The following RNF40 variants were observed in gnomAD, a reference collection of about 807,000 sequenced individuals.
The protein encoded by RNF40 is E3 ubiquitin-protein ligase BRE1B.
A neutral mutation model predicts 123.3 loss-of-function variants in RNF40; 39 were observed. The ratio of observed to expected loss-of-function variants is 0.32; its 90% CI spans 0.24 to 0.41. The LOEUF is 0.41. RNF40 is among the 10% of genes least tolerant of loss of function. The probability of loss-of-function intolerance (pLI) is 1.00; values close to 1 mark genes in which losing one functional copy is unlikely to be tolerated. For missense variants in RNF40, 1,003 were observed against 1,319.9 expected, an observed-to-expected ratio of 0.76 and a Z score of 3.72; for synonymous variants, 538 against 526.0, an observed-to-expected ratio of 1.02 and a Z score of -0.31.
Position 30,763,458 on chromosome 16 carries a change from G to A in RNF40, c.341G>A (p.Ser114Asn), listed in dbSNP as rs867047194. Residue 114 changes from serine (S) to asparagine (N), a missense_variant, in exon 4 of 20, where the codon AGC (serine) becomes AAC (asparagine). Coordinates refer to ENST00000324685, the MANE Select transcript of RNF40 (RefSeq NM_014771.4). ...TVEALLRCHE[S>N]QGELSSAPEA... ...GAAGCCCTTCTCCGATGCCATGAGA[G>A]CCAGGGGGAGCTGTCTTCAGCGCCT... 8.1e-6 allele frequency: 13 copies of A among 1,611,590 alleles called. No individual in the cohort carries two copies. In the African/African-American group the frequency reaches 1.3e-4, roughly 17 times the overall value.
At chr16:30,761,642 T>C (rs1199727768), upstream of RNF40, 17 of 1,535,984 alleles carry the variant, frequency 1.1e-5, no homozygotes, top group Non-Finnish European at 1.3e-5. Flanking sequence ...GGCCGACCCA[T>C]GCACTGAGCT....
intron 5 of RNF40, 144 bp downstream of exon 5, chr16:30,764,529 G>C: frequency 1.4e-6 from 1 of 735,072 alleles, no homozygotes; most frequent in East Asian, 2.7e-5. Context: ...GGAAGAGGTA[G>C]GTTAGGCTGT....
chr16:30,763,648 C>A, intron 4 of RNF40, 89 bp downstream of exon 4: 2 of 1,360,218 alleles, frequency 1.5e-6, no homozygotes, highest in African/African-American at 1.4e-5. Context: ...CCCTGAATTG[C>A]CTATCTTACT....
chr16:30,771,248 G>A (rs1473283226), intron 17 of RNF40, among the ~76,000 whole-genome samples: 1 of 152,140 alleles, frequency 6.6e-6, no homozygotes, highest in South Asian at 2.1e-4. Context: ...TGACACTTGA[G>A]CTGAGGCCCA....
At position 30,775,986 on chromosome 16, in the gene RNF40, C is replaced by T. The variant is rs2054228781; in HGVS notation, c.*1872C>T. ...CGCGGCAGGGGAGGACATCGGGCCG[C>T]AGAGAAAGTGCCGATGGCCTGGGGC... On this transcript the variant is annotated 3_prime_UTR_variant, in exon 20 of 20. Coordinates refer to ENST00000324685, the MANE Select transcript of RNF40 (RefSeq NM_014771.4). 6.6e-6 allele frequency: 1 copy of T among 152,250 alleles called. No individual in the cohort carries two copies. The highest frequency in any genetic ancestry group is 1.5e-5 in the Non-Finnish European group (1 of 68,088). The allele number at this position is 152,250 out of a possible 1,614,324, so 9.4% of individuals were successfully genotyped here.
Position 30,769,524 on chromosome 16 carries a change from C to G in RNF40, c.2510C>G (p.Ala837Gly), listed in dbSNP as rs940896929. 13 of 1,612,980 alleles carry G rather than the reference C, an allele frequency of 8.1e-6. No homozygotes were observed. Among genetic ancestry groups the G allele is most frequent in the African/African-American group, 1.3e-5 (1 of 74,888 alleles). Residue 837 changes from alanine (A) to glycine (G), a missense_variant, in exon 17 of 20, where the codon GCC (alanine) becomes GGC (glycine). Coordinates refer to ENST00000324685, the MANE Select transcript of RNF40 (RefSeq NM_014771.4). ...TVQKLEEKER[A>G]LQGSLGGVEK... is the part of the protein sequence containing the mutation. ...CAGAAGCTAGAGGAGAAGGAGCGAG[C>G]CTTGCAGGGCAGCCTCGGGGGTGTG...
At chr16:30,769,647 T>A in intron 17 of RNF40, 47 bp downstream of exon 17, 5 of 1,479,770 alleles carry the variant, frequency 3.4e-6, no homozygotes, top group Non-Finnish European at 4.5e-6. Context: ...CTGGCTCACC[T>A]CCTCACCTTC....
intron 16 of RNF40, 29 bp downstream of exon 16, chr16:30,769,427 A>G: frequency 6.2e-7 from 1 of 1,614,122 alleles, no homozygotes; most frequent in Non-Finnish European, 8.5e-7. Context: ...TGCAGACTGG[A>G]GCTGGAGAGG....
chr16:30,766,085 A>G lies in RNF40; in HGVS notation c.994-78A>G, dbSNP rs1188441138. 2 of 1,597,154 alleles carry G rather than the reference A, an allele frequency of 1.3e-6. No homozygotes were observed. Among genetic ancestry groups the G allele is most frequent in the African/African-American group, 2.7e-5 (2 of 74,588 alleles). On this transcript the variant is annotated intron_variant, in intron 8 of 19. Coordinates refer to ENST00000324685, the MANE Select transcript of RNF40 (RefSeq NM_014771.4). The surrounding 1 kb of genome is among the most constrained non-coding windows in gnomAD (Gnocchi z 5.4). ...GCCCTGCACGGGGTGCTTGGGGTGG[A>G]GTGTATGCTGGGGATGTAAGGGAGG...
intron 17 of RNF40, among the ~76,000 whole-genome samples, chr16:30,770,014 A>C (rs1048772036): frequency 1.4e-4 from 21 of 151,910 alleles, no homozygotes; most frequent in African/African-American, 4.8e-4. Context: ...AGGTGAGAGG[A>C]TCACTTGAAC....
rs183630601 is a variant in RNF40 at position 30,773,789 on chromosome 16, C to T, written c.2830-149C>T. 18 of 752,674 alleles carry T rather than the reference C, an allele frequency of 2.4e-5. No individual in the cohort carries two copies. In the East Asian group the frequency reaches 4.6e-4, roughly 19 times the overall value. The allele number at this position is 752,674 out of a possible 1,614,324, so 46.6% of individuals were successfully genotyped here. ...GCCTCTGCACCTCAGTTTGCTCATT[C>T]ATAGAGTGCTCGTCCTTACCTCCAG... On this transcript the variant is annotated intron_variant, in intron 19 of 19. Coordinates refer to ENST00000324685, the MANE Select transcript of RNF40 (RefSeq NM_014771.4).
intron 8 of RNF40, among the ~76,000 whole-genome samples, chr16:30,765,900 C>A (rs935713824): frequency 6.6e-6 from 1 of 152,150 alleles, no homozygotes; most frequent in Non-Finnish European, 1.5e-5. Context: ...TGCCCTTTTT[C>A]CCTTTATTAG....
Position 30,762,581 on chromosome 16 carries a change from CG to C in RNF40, c.41del (p.Gly14AlafsTer9). On this transcript the variant is annotated frameshift_variant, in exon 2 of 20. Coordinates refer to ENST00000324685, the MANE Select transcript of RNF40 (RefSeq NM_014771.4). LOFTEE classifies it high-confidence loss of function. The part of the protein sequence containing the change: ...GPGNKRAAGD[G>X]GSGPPEKKLS... ...CAGGCAACAAACGCGCCGCCGGCGA[CG>C]GGGGCTCAGGGCCCCCGGAAAAGAA... 2 of 1,601,432 alleles carry C rather than the reference CG, an allele frequency of 1.2e-6. No homozygotes were observed. The highest frequency in any genetic ancestry group is 1.7e-6 in the Non-Finnish European group (2 of 1,176,926).
Position 30,768,015 on chromosome 16 carries a change from G to A in RNF40, c.1551G>A (p.Lys517=). 7 of 1,614,244 alleles carry A rather than the reference G, an allele frequency of 4.3e-6. No homozygotes were observed. Among genetic ancestry groups the A allele is most frequent in the Non-Finnish European group, 5.9e-6 (7 of 1,180,040 alleles). The change falls in exon 12 of 20, where the codon AAG becomes AAA. Residue 517 remains lysine, a splice_region_variant and synonymous_variant. Coordinates refer to ENST00000324685, the MANE Select transcript of RNF40 (RefSeq NM_014771.4). The surrounding 1 kb of genome is among the most constrained non-coding windows in gnomAD (Gnocchi z 4.1). ...GAGAAGTACAAGCTGAGATTGGCAA[G>A]GTGAGAAGGGGCCTGCCTGGGAAAA... The part of the protein sequence containing the change: ...KLREVQAEIG[K]LRAQASGSAH...
chr16:30,769,028 T>A (rs374055616), intron 15 of RNF40, 41 bp downstream of exon 15: 7 of 1,612,256 alleles, frequency 4.3e-6, no homozygotes, highest in East Asian at 2.2e-5. Flanking sequence ...GCGCAGGGAG[T>A]TCCCTTCATA....
chr16:30,775,202 A>C lies in RNF40; in HGVS notation c.*1088A>C. The stretch of plus-strand genomic sequence containing the variant: ...CCCTCGGCCTGCAGCCAGAGTAGCC[A>C]GGCCGCGCACCCCAAATGTAGTCCC... On this transcript the variant is annotated 3_prime_UTR_variant, in exon 20 of 20. Transcript: ENST00000324685. 2.8e-6 allele frequency: 1 copy of C among 352,900 alleles called. No individual in the cohort carries two copies. The highest frequency in any genetic ancestry group is 2.1e-5 in the South Asian group (1 of 47,546). The allele number at this position is 352,900 out of a possible 1,614,324, so 21.9% of individuals were successfully genotyped here. A position where few individuals can be genotyped will look rare whatever the true frequency, so the allele number is the denominator to read the frequency against.
Position 30,766,639 on chromosome 16 carries a change from G to T in RNF40, c.1293+81G>T, listed in dbSNP as rs530929739. ...ACGTGTTTGTGCCTTCCGAGGCCCT[G>T]TGTGCCAGCCAGGGGTCCCTGGGGA... On this transcript the variant is annotated intron_variant, in intron 10 of 19. Transcript: ENST00000324685. This position sits in a 1 kb window ranked among gnomAD's most constrained non-coding sequence, Gnocchi z 5.4. The T allele has an allele frequency of 2.0e-5, 32 of 1,584,784 alleles. No homozygotes were observed. The East Asian group carries it at 7.0e-4, about 35-fold the overall frequency.
chr16:30,761,867 A>G (rs772902175), upstream of RNF40: 75 of 996,510 alleles, frequency 7.5e-5, 1 homozygote, highest in Non-Finnish European at 9.8e-5. Context: ...CGGCCAATCT[A>G]CGCGCGGAGA....
Position 30,768,902 on chromosome 16 carries a change from T to C in RNF40, c.2162T>C (p.Ile721Thr). 6.2e-7 allele frequency: 1 copy of C among 1,614,132 alleles called. No individual in the cohort carries two copies. ...AGGGATCGAAGGGAGAGCAAGAAGA[T>C]CGCGGATGAGGATGCCCTGCGGCGC... ...EERDRRESKKIADEDALRRIR... is the reference protein window; with the variant it reads ...EERDRRESKKTADEDALRRIR... The change falls in exon 15 of 20, where the codon ATC becomes ACC. Residue 721 changes from isoleucine (I) to threonine (T), a missense_variant. Coordinates refer to ENST00000324685, the MANE Select transcript of RNF40 (RefSeq NM_014771.4). This position sits in a 1 kb window ranked among gnomAD's most constrained non-coding sequence, Gnocchi z 4.1.
Sources: gnomAD v4.1 joint callset for allele counts (sites outside exome capture counted in the v4.1 genomes callset) on GRCh38, gnomAD v4.1.1 for gene constraint, Gnocchi (gnomAD v3.1) non-coding constraint, MANE v1.5 for transcripts, NCBI Gene and HGNC (gene_info 2026-07-23, HGNC 2026-07-21) for gene names.